CARS2: variants seen among roughly 807,000 people sequenced by gnomAD.
CARS2 encodes the protein probable cysteine--tRNA ligase, mitochondrial.
Under a neutral mutation model 68.8 loss-of-function variants are expected in CARS2, and 52 were observed. The observed-to-expected ratio is 0.76, with a 90% confidence interval of 0.61 to 0.95. The LOEUF is 0.95. Ranked by LOEUF, CARS2 falls within the 40% of genes least tolerant of loss-of-function variation. The pLI, the probability that CARS2 is intolerant of heterozygous loss-of-function variation, is 0.00. For synonymous variants in CARS2, 314 were observed against 303.6 expected (o/e 1.03, Z -0.36); for missense variants, 780 against 754.2 (o/e 1.03, Z -0.40).
chr13:110,644,457 A>G lies in CARS2; in HGVS notation c.1344T>C (p.Ala448=). ...AGTAAGAGATGATGGCACCAAACACAGCAGGACTTCTCGGCCCTTCAGGTT... is the reference window on the plus strand; with the variant it reads ...AGTAAGAGATGATGGCACCAAACACGGCAGGACTTCTCGGCCCTTCAGGTT... ...LKEPEGPRSP[A]VFGAIISYFE... Residue 448 remains alanine (A), a synonymous_variant, in exon 13 of 15, where the codon GCT becomes GCC. Transcript: ENST00000257347. 1 of 1,614,136 alleles carries G rather than the reference A, an allele frequency of 6.2e-7. No homozygotes were observed.
intron 9 of CARS2, among the ~76,000 whole-genome samples, chr13:110,654,632 A>G (rs1427955166): frequency 1.3e-5 from 2 of 151,972 alleles, no homozygotes; most frequent in Non-Finnish European, 2.9e-5. Context: ...TAACAAGAAA[A>G]ATGGGCCAGG....
chr13:110,642,300 TG>T lies in CARS2; in HGVS notation c.1623+14del. On this transcript the variant is annotated intron_variant, in intron 14 of 14. Coordinates refer to ENST00000257347, the MANE Select transcript of CARS2 (RefSeq NM_024537.4). ...GCTCCTGGGGTGATGTCCCTGACCT[TG>T]GTGCGGCACTCACCTTGATGTTGAT... The T allele has an allele frequency of 6.5e-7, 1 of 1,543,206 alleles. No homozygotes were observed. Among genetic ancestry groups the T allele is most frequent in the Non-Finnish European group, 8.8e-7 (1 of 1,141,514 alleles).
chr13:110,675,952 T>TC (rs2062936942), intron 7 of CARS2, among the ~76,000 whole-genome samples: 1 of 152,062 alleles, frequency 6.6e-6, no homozygotes, highest in Non-Finnish European at 1.5e-5. Flanking sequence ...GGTCAGGAGA[T>TC]CGAGACCAGC....
intron 9 of CARS2, among the ~76,000 whole-genome samples, chr13:110,657,431 C>A (rs977700972): frequency 2.0e-5 from 3 of 152,172 alleles, no homozygotes; most frequent in Non-Finnish European, 2.9e-5. Context: ...AAAAGGCAGG[C>A]AGGTGCAGGA....
At chr13:110,649,139 G>A (rs926939332) in intron 10 of CARS2, 37 of 152,354 alleles carry the variant, frequency 2.4e-4, no homozygotes, top group African/African-American at 8.4e-4. Flanking sequence ...CTTTCATCAC[G>A]CGTAAGTGCA....
rs1305604439 is a variant in CARS2, at chr13:110,683,105, C to T, written c.601G>A (p.Gly201Arg). 10 of 1,600,738 alleles carry T rather than the reference C, an allele frequency of 6.2e-6. No individual in the cohort carries two copies. Among genetic ancestry groups the T allele is most frequent in the Non-Finnish European group, 8.5e-6 (10 of 1,175,422 alleles). Residue 201 changes from glycine (G) to arginine (R), a missense_variant, in exon 6 of 15, where the codon GGA becomes AGA. Coordinates refer to ENST00000257347, the MANE Select transcript of CARS2 (RefSeq NM_024537.4). ...GNVYFDLKSR[G>R]DKYGKLVGVV... ...CCGACCAATTTGCCATACTTGTCTC[C>T]TCTAGACTTCAGATCGAAGTAGACA... is the stretch of plus-strand genomic sequence containing the variant.
chr13:110,655,804 A>C (rs1280421233), intron 9 of CARS2, among the ~76,000 whole-genome samples: 1 of 152,228 alleles, frequency 6.6e-6, no homozygotes, highest in Non-Finnish European at 1.5e-5. Flanking sequence ...TGCATACGAC[A>C]CTGCCTCATG....
At position 110,676,186 on chromosome 13, in the gene CARS2, G is replaced by A. The variant is rs529532332; in HGVS notation, c.785+788C>T. ...AAAAAACAGGAACATGAAACTAACTGTGGCGAGCCCCATGGGCAGCTGTGC... is the reference window on the plus strand; with the variant it reads ...AAAAAACAGGAACATGAAACTAACTATGGCGAGCCCCATGGGCAGCTGTGC... On this transcript the variant is annotated intron_variant, in intron 7 of 14. Coordinates refer to ENST00000257347, the MANE Select transcript of CARS2 (RefSeq NM_024537.4). The surrounding 1 kb of genome is among the most constrained non-coding windows in gnomAD (Gnocchi z 4.0). 6.6e-6 allele frequency among the ~76,000 whole-genome samples: 1 copy of A among 152,204 alleles called. No individual in the cohort carries two copies. The highest frequency in any genetic ancestry group is 2.4e-5 in the African/African-American group (1 of 41,464).
upstream of CARS2, among the ~76,000 whole-genome samples, chr13:110,709,557 C>T (rs1594444379): frequency 6.6e-6 from 1 of 152,242 alleles, no homozygotes; most frequent in East Asian, 1.9e-4. Flanking sequence ...CATTACTATA[C>T]CTCCCAGCCT....
chr13:110,666,353 G>A (rs1285552677), intron 8 of CARS2: 5 of 985,172 alleles, frequency 5.1e-6, no homozygotes, highest in South Asian at 4.7e-5. Flanking sequence ...ATGGGGTGCT[G>A]GACAACAGCT....
intron 14 of CARS2, 62 bp downstream of exon 14, chr13:110,642,253 C>G (rs548644174): frequency 1.5e-5 from 20 of 1,324,132 alleles, no homozygotes; most frequent in Non-Finnish European, 2.0e-5. Context: ...TCTGATGGCC[C>G]CACGTCCTGT....
chr13:110,692,003 A>AAAT (rs1555299926), intron 3 of CARS2, among the ~76,000 whole-genome samples: 982 of 91,388 alleles, frequency 0.011, 10 homozygotes, highest in East Asian at 0.019. Flanking sequence ...AAAAAAAAAA[A>AAAT]ATATATATAT....
intron 3 of CARS2, among the ~76,000 whole-genome samples, chr13:110,692,971 G>A (rs2063515264): frequency 6.6e-6 from 1 of 151,708 alleles, no homozygotes; most frequent in Admixed American, 6.6e-5. Context: ...TTAGCTGGGT[G>A]TGGTGGTGGG....
At chr13:110,646,886 C>T in intron 11 of CARS2, 1 of 530,310 alleles carries the variant, frequency 1.9e-6, no homozygotes, top group Non-Finnish European at 3.3e-6. Context: ...GTCCAGCTCC[C>T]AGTCCCCTGT....
At chr13:110,713,065 G>T (rs1325885460) in intron 1 of CARS2, 1 of 1,454,274 alleles carries the variant, frequency 6.9e-7, no homozygotes, top group Non-Finnish European at 9.1e-7. Flanking sequence ...GCCCGTGCCC[G>T]GCCCTCCCCT....
chr13:110,706,746 C>CT (rs2063969146), upstream of CARS2, among the ~76,000 whole-genome samples: 1 of 150,790 alleles, frequency 6.6e-6, no homozygotes, highest in Non-Finnish European at 1.5e-5. Context: ...GTGTGCACCC[C>CT]AATACACAGT....
Position 110,691,316 on chromosome 13 carries a change from G to A in CARS2, c.394-3298C>T, listed in dbSNP as rs187574617. On this transcript the variant is annotated intron_variant, in intron 3 of 14. Transcript: ENST00000257347. ...CAGATGTGAGTCACCGTGCCAGGCC[G>A]GAAGTATTTTTATATTAAAGAAATT... is the stretch of plus-strand genomic sequence containing the variant. Among the ~76,000 whole-genome samples the A allele has an allele frequency of 4.6e-5, 7 of 152,030 alleles. No individual in the cohort carries two copies. In the East Asian group the frequency reaches 7.7e-4, roughly 17 times the overall value.
chr13:110,713,350 GT>G (rs1187032114), exon 1 of CARS2: 17 of 1,090,180 alleles, frequency 1.6e-5, no homozygotes, highest in Non-Finnish European at 1.8e-5. Context: ...TCCTGGTCGG[GT>G]TTTCAGCGAA....
chr13:110,643,490 T>C (rs1887673702), intron 13 of CARS2: 1 of 153,244 alleles, frequency 6.5e-6, no homozygotes, highest in Non-Finnish European at 1.5e-5. Context: ...CGAGACATGT[T>C]TGGCCCAGAG....
Sources: allele counts gnomAD v4.1 joint callset (sites outside exome capture counted in the v4.1 genomes callset), GRCh38; gene constraint gnomAD v4.1.1; non-coding constraint Gnocchi (gnomAD v3.1); transcripts MANE v1.5; gene names NCBI Gene and HGNC (gene_info 2026-07-23, HGNC 2026-07-21).